Variants in GRIP1 observed in about 807,000 individuals in gnomAD.
GRIP1 encodes glutamate receptor interacting protein 1.
In GRIP1, 45 loss-of-function variants were observed where a neutral mutation model predicts 129.9. The ratio of observed to expected loss-of-function variants is 0.35; its 90% CI spans 0.27 to 0.44. The LOEUF (loss-of-function observed/expected upper bound fraction) is 0.44, where lower values mean the gene tolerates loss of function less well. Ranked by LOEUF, GRIP1 falls within the 20% of genes least tolerant of loss-of-function variation. GRIP1 has a pLI of 1.00. For missense variants in GRIP1, 1,196 were observed against 1,396.8 expected (o/e 0.86, Z 2.29); for synonymous variants, 530 against 520.8 (o/e 1.02, Z -0.24).
Position 66,441,224 on chromosome 12 carries a change from G to A in GRIP1, c.1687+3360C>T, listed in dbSNP as rs536213602. ...CCATAGTATATTTAAGCTATCAATA[G>A]TGACTTTTGTCTTGAAATTCTTTCT... On this transcript the variant is annotated intron_variant, in intron 13 of 24. Transcript: ENST00000359742. Among the ~76,000 whole-genome samples, 7 of 152,298 alleles carry A rather than the reference G, an allele frequency of 4.6e-5. No homozygotes were observed. The East Asian group carries it at 9.6e-4, about 21-fold the overall frequency.
At chr12:66,890,819 A>G (rs1215437536) in intron 1 of GRIP1, among the ~76,000 whole-genome samples, 2 of 152,210 alleles carry the variant, frequency 1.3e-5, no homozygotes, top group African/African-American at 2.4e-5. Context: ...ACAGGGTAAC[A>G]GGTGTGCTGT....
intron 1 of GRIP1, among the ~76,000 whole-genome samples, chr12:66,715,839 A>T (rs933972148): frequency 1.3e-5 from 2 of 152,084 alleles, no homozygotes; most frequent in Non-Finnish European, 2.9e-5. Context: ...ATTTGAAACC[A>T]TTTAAGAGGG....
At chr12:66,381,251 T>G (rs1167393371) in intron 19 of GRIP1, among the ~76,000 whole-genome samples, 1 of 152,210 alleles carries the variant, frequency 6.6e-6, no homozygotes, top group Non-Finnish European at 1.5e-5. Flanking sequence ...TGTCTCATTC[T>G]CTTTTTCCTA....
chr12:66,679,062 C>A lies in GRIP1; in HGVS notation c.-158G>T. On this transcript the variant is annotated 5_prime_UTR_variant, in exon 1 of 25. An upstream open reading frame in the 5' UTR gains an earlier in-frame stop. Coordinates refer to ENST00000359742, the MANE Select transcript of GRIP1 (RefSeq NM_001366722.1). ...ATTCCTCTTGGCTGATGCAGAGGTC[C>A]GCTACATGTCATCTGGCAAATCTGT... The A allele has an allele frequency of 6.6e-7, 1 of 1,521,910 alleles. No homozygotes were observed. Among genetic ancestry groups the A allele is most frequent in the Non-Finnish European group, 8.8e-7 (1 of 1,134,146 alleles). 94.3% of individuals were successfully genotyped at this position (1,521,910 alleles called of 1,614,324 possible). A position where few individuals can be genotyped will look rare whatever the true frequency, so the allele number is the denominator to read the frequency against.
chr12:66,677,616 T>C (rs556614900), intron 1 of GRIP1, among the ~76,000 whole-genome samples: 4 of 152,286 alleles, frequency 2.6e-5, no homozygotes, highest in African/African-American at 9.6e-5. Flanking sequence ...AAATGTATAA[T>C]CTTCCCTACA....
chr12:66,358,375 G>A (rs1216397512), intron 23 of GRIP1, among the ~76,000 whole-genome samples: 1 of 152,092 alleles, frequency 6.6e-6, no homozygotes, highest in Admixed American at 6.5e-5. Flanking sequence ...TCTTATCCCC[G>A]ATCTGGAATC....
At chr12:66,520,748 T>A (rs973531235) in intron 5 of GRIP1, among the ~76,000 whole-genome samples, 2 of 152,240 alleles carry the variant, frequency 1.3e-5, no homozygotes, top group African/African-American at 4.8e-5. Context: ...TTCTTGATAA[T>A]AAATTACTCT....
At chr12:66,880,168 G>A (rs1304100196) in intron 1 of GRIP1, among the ~76,000 whole-genome samples, 1 of 152,078 alleles carries the variant, frequency 6.6e-6, no homozygotes, top group Non-Finnish European at 1.5e-5. Flanking sequence ...GACCAGCCAT[G>A]CAAAGAAGGG....
intron 1 of GRIP1, among the ~76,000 whole-genome samples, chr12:66,814,542 C>T (rs921806869): frequency 1.4e-5 from 2 of 145,668 alleles, no homozygotes; most frequent in African/African-American, 5.1e-5. Flanking sequence ...AAAGAATTTA[C>T]TGAATACTTA....
chr12:66,782,686 A>C (rs1248011860), intron 1 of GRIP1, among the ~76,000 whole-genome samples: 1 of 152,186 alleles, frequency 6.6e-6, no homozygotes, highest in Non-Finnish European at 1.5e-5. Context: ...GTTAGTGACA[A>C]AGCTGGGATC....
chr12:66,826,763 T>TTTTTTTTTTTTTTTTTTTTTTTTG (rs1566041031), intron 1 of GRIP1, among the ~76,000 whole-genome samples: 4 of 152,016 alleles, frequency 2.6e-5, no homozygotes, highest in African/African-American at 9.7e-5. Context: ...CACAAAATTC[T>TTTTTTTTTTTTTTTTTTTTTTTTG]AAATGCCATT....
At chr12:66,352,841 T>A (rs2054300980) in intron 24 of GRIP1, among the ~76,000 whole-genome samples, 1 of 152,152 alleles carries the variant, frequency 6.6e-6, no homozygotes, top group Non-Finnish European at 1.5e-5. Flanking sequence ...GGAAGGCACC[T>A]GTAATCCCAG....
chr12:66,730,227 AT>A (rs1456890035), intron 1 of GRIP1, among the ~76,000 whole-genome samples: 4 of 152,198 alleles, frequency 2.6e-5, no homozygotes, highest in Non-Finnish European at 5.9e-5. Context: ...TTACCGTAAA[AT>A]TTAAAAAGCA....
chr12:66,681,808 C>T (rs185545185), upstream of GRIP1, among the ~76,000 whole-genome samples: 294 of 152,254 alleles, frequency 1.9e-3, 5 homozygotes, highest in Non-Finnish European at 2.8e-4. Context: ...CATGGGTTTG[C>T]TGGATTCAGG....
At chr12:66,854,850 T>C (rs1464399024) in intron 1 of GRIP1, among the ~76,000 whole-genome samples, 1 of 152,028 alleles carries the variant, frequency 6.6e-6, no homozygotes, top group Non-Finnish European at 1.5e-5. Context: ...CCAACATTAC[T>C]ATACACACTA....
chr12:66,617,512 T>C (rs2065094574), intron 1 of GRIP1, among the ~76,000 whole-genome samples: 1 of 152,038 alleles, frequency 6.6e-6, no homozygotes, highest in African/African-American at 2.4e-5. Context: ...CAATATTAAT[T>C]AGAACCACTT....
chr12:66,723,318 T>TCC (rs1565988255), intron 1 of GRIP1, among the ~76,000 whole-genome samples: 1 of 97,712 alleles, frequency 1.0e-5, no homozygotes, highest in African/African-American at 4.7e-5. Context: ...TTTTTTTTTT[T>TCC]TTTTTTTTTT....
At chr12:66,442,287 T>C (rs1213056265) in intron 13 of GRIP1, among the ~76,000 whole-genome samples, 1 of 152,142 alleles carries the variant, frequency 6.6e-6, no homozygotes, top group East Asian at 1.9e-4. Flanking sequence ...CAGCCCTTTT[T>C]GTTGTTTCTC....
rs148216696 is a variant in GRIP1 at position 66,948,769 on chromosome 12, C to T, written c.58+120281G>A. Reference sequence around the variant, plus strand: ...AGAAGAGAAAGAAAAAGGAAAGACCCCTATAGAGATTCTATCTTTTCTTCG... The same window carrying T: ...AGAAGAGAAAGAAAAAGGAAAGACCTCTATAGAGATTCTATCTTTTCTTCG... On this transcript the variant is annotated intron_variant, in intron 1 of 1. Coordinates refer to the GRIP1 transcript ENST00000643019. Among the ~76,000 whole-genome samples, 86 of 152,216 alleles carry T rather than the reference C, an allele frequency of 5.6e-4. No homozygotes were observed. In the East Asian group the frequency reaches 7.5e-3, roughly 13 times the overall value.
Sources: gnomAD v4.1 joint callset for allele counts (sites outside exome capture counted in the v4.1 genomes callset) on GRCh38, gnomAD v4.1.1 for gene constraint, MANE v1.5 for transcripts, NCBI Gene and HGNC (gene_info 2026-07-23, HGNC 2026-07-21) for gene names.